MAP4K5: variants seen among roughly 807,000 people sequenced by gnomAD.
MAP4K5 encodes the protein MAPK/ERK kinase kinase kinase 5.
In MAP4K5, 82 loss-of-function variants were observed where a neutral mutation model predicts 135.6. That is an observed-to-expected ratio of 0.60 (90% CI 0.51 to 0.73). The LOEUF (loss-of-function observed/expected upper bound fraction) is 0.73. Ranked by LOEUF, MAP4K5 falls within the 30% of genes least tolerant of loss-of-function variation. The pLI, the probability that MAP4K5 is intolerant of heterozygous loss-of-function variation, is 0.00. For missense variants in MAP4K5, 907 were observed against 1,010.9 expected, an observed-to-expected ratio of 0.90 and a Z score of 1.39; for synonymous variants, 347 against 335.0, an observed-to-expected ratio of 1.04 and a Z score of -0.39.
chr14:50,510,176 G>C (rs1285930835), intron 2 of MAP4K5, among the ~76,000 whole-genome samples: 1 of 152,092 alleles, frequency 6.6e-6, no homozygotes, highest in East Asian at 1.9e-4. Context: ...ATTCTTCTCG[G>C]TTACCAATTA....
At chr14:50,439,562 C>T (rs1328302238) in intron 23 of MAP4K5, among the ~76,000 whole-genome samples, 1 of 152,164 alleles carries the variant, frequency 6.6e-6, no homozygotes, top group Non-Finnish European at 1.5e-5. Context: ...TTAACTCTCA[C>T]AACCTCATAA....
intron 28 of MAP4K5, among the ~76,000 whole-genome samples, chr14:50,431,516 TC>T (rs2035969819): frequency 6.6e-6 from 1 of 152,114 alleles, no homozygotes; most frequent in African/African-American, 2.4e-5. Context: ...GGTTTTTTGT[TC>T]TTGCGATAGT....
intron 9 of MAP4K5, among the ~76,000 whole-genome samples, chr14:50,473,219 T>C (rs1208657611): frequency 2.0e-5 from 3 of 152,176 alleles, no homozygotes; most frequent in African/African-American, 7.2e-5. Flanking sequence ...GAAAACTGAG[T>C]CTTTGTTAAT....
At chr14:50,484,667 T>C (rs1239811512) in intron 5 of MAP4K5, among the ~76,000 whole-genome samples, 2 of 152,214 alleles carry the variant, frequency 1.3e-5, no homozygotes, top group African/African-American at 4.8e-5. Context: ...TGCCGCACAG[T>C]ATTCCATATT....
In MAP4K5 at chr14:50,432,928, TC is replaced by T. The variant is rs372766952; in HGVS notation, c.2164+1465del. ...TCTTGGCTCACTGCAACCTCTGCCT[TC>T]CAGGTTCATGCGATTCTCCTGCCTC... On this transcript the variant is annotated intron_variant, in intron 28 of 32. Transcript: ENST00000682126. Among the ~76,000 whole-genome samples, 30 of 152,204 alleles carry T rather than the reference TC, an allele frequency of 2.0e-4. No individual in the cohort carries two copies. The East Asian group carries it at 5.6e-3, about 28-fold the overall frequency.
intron 2 of MAP4K5, among the ~76,000 whole-genome samples, chr14:50,515,952 C>T (rs568119973): frequency 5.3e-5 from 8 of 152,302 alleles, no homozygotes; most frequent in African/African-American, 1.9e-4. Flanking sequence ...TCGATTATCC[C>T]TCTCCCACAA....
At chr14:50,423,068 A>T in intron 32 of MAP4K5, 53 bp downstream of exon 32, 1 of 802,430 alleles carries the variant, frequency 1.2e-6, no homozygotes, top group South Asian at 1.7e-5. Flanking sequence ...TATAATTAAG[A>T]GTATGATCTT....
intron 1 of MAP4K5, among the ~76,000 whole-genome samples, chr14:50,550,028 A>G (rs1488647948): frequency 2.0e-5 from 3 of 152,224 alleles, no homozygotes; most frequent in African/African-American, 7.2e-5. Flanking sequence ...GGCGATGGCT[A>G]CATGGACCTT....
intron 12 of MAP4K5, among the ~76,000 whole-genome samples, chr14:50,463,540 A>T (rs2036758449): frequency 6.6e-6 from 1 of 152,152 alleles, no homozygotes; most frequent in Non-Finnish European, 1.5e-5. Flanking sequence ...GTTGTGGCAG[A>T]GGCTGTATGG....
chr14:50,449,396 G>A (rs896153455), intron 14 of MAP4K5: 4 of 151,916 alleles, frequency 2.6e-5, no homozygotes, highest in African/African-American at 9.7e-5. Context: ...CTAAAACATA[G>A]AAAAGGAGGG....
At position 50,425,934 on chromosome 14, in the gene MAP4K5, C is replaced by T; in HGVS notation, c.2370G>A (p.Met790Ile). The T allele has an allele frequency of 1.2e-6, 2 of 1,612,850 alleles. No homozygotes were observed. Among genetic ancestry groups the T allele is most frequent in the Non-Finnish European group, 1.7e-6 (2 of 1,179,274 alleles). ...CATCTGACTTGAAGCTTTTACCCTG[C>T]ATCCCATGTTTCCAGAAAGCCAACA... ...DSVLAFWKHG[M>I]QGKSFKSDEV... Residue 790 changes from methionine (M) to isoleucine (I), a missense_variant, in exon 31 of 33, where the codon ATG becomes ATA. Transcript: ENST00000682126.
chr14:50,518,264 ATTT>A (rs887784808), intron 2 of MAP4K5, among the ~76,000 whole-genome samples: 27 of 150,938 alleles, frequency 1.8e-4, no homozygotes, highest in African/African-American at 6.6e-4. Context: ...AAACTCATTA[ATTT>A]TTTTTTTATT....
rs1425751028 is a variant in MAP4K5 at position 50,447,484 on chromosome 14, G to A, written c.1075-3C>T. On this transcript the variant is annotated splice_region_variant and splice_polypyrimidine_tract_variant and intron_variant, in intron 15 of 32. Transcript: ENST00000682126. Reference sequence around the variant, plus strand: ...AAATTTGGGTCTGATGACAATCCCTGTAAAGATAAAAATATAGTTTAAAAT... The same window carrying A: ...AAATTTGGGTCTGATGACAATCCCTATAAAGATAAAAATATAGTTTAAAAT... 1 of 1,516,810 alleles carries A rather than the reference G, an allele frequency of 6.6e-7. No individual in the cohort carries two copies. Among genetic ancestry groups the A allele is most frequent in the Non-Finnish European group, 8.9e-7 (1 of 1,118,100 alleles). 94.0% of individuals were successfully genotyped at this position (1,516,810 alleles called of 1,614,324 possible).
chr14:50,460,678 A>G (rs1595465704), intron 13 of MAP4K5, among the ~76,000 whole-genome samples: 1 of 152,222 alleles, frequency 6.6e-6, no homozygotes, highest in Non-Finnish European at 1.5e-5. Context: ...CTAAATATTC[A>G]CTGGGTACTC....
upstream of MAP4K5, among the ~76,000 whole-genome samples, chr14:50,537,341 T>C (rs950003783): frequency 1.3e-5 from 2 of 152,212 alleles, no homozygotes; most frequent in Admixed American, 6.5e-5. Flanking sequence ...AGATGATGTA[T>C]GGAAATGCCT....
At chr14:50,539,901 A>G (rs1176753114) in intron 2 of MAP4K5, among the ~76,000 whole-genome samples, 1 of 152,104 alleles carries the variant, frequency 6.6e-6, no homozygotes, top group Non-Finnish European at 1.5e-5. Context: ...AAGAATCTCA[A>G]GGTTTAGGGA....
chr14:50,474,816 C>T (rs892546345), intron 9 of MAP4K5, among the ~76,000 whole-genome samples: 4 of 152,078 alleles, frequency 2.6e-5, no homozygotes, highest in African/African-American at 9.7e-5. Flanking sequence ...GGAGGCAAAT[C>T]TTTTGAAAAT....
chr14:50,490,130 AGTGTGTGTGTGT>A (rs34549753), intron 3 of MAP4K5, among the ~76,000 whole-genome samples: 1 of 121,206 alleles, frequency 8.3e-6, no homozygotes. Context: ...AGCGAGTGAG[AGTGTGTGTGTGT>A]GTGTGTGTGT....
At chr14:50,501,952 T>A (rs941434131) in intron 3 of MAP4K5, among the ~76,000 whole-genome samples, 5 of 152,306 alleles carry the variant, frequency 3.3e-5, no homozygotes, top group Non-Finnish European at 5.9e-5. Context: ...ATATTAGGTA[T>A]TCAATAAATA....
Sources: allele counts gnomAD v4.1 joint callset (sites outside exome capture counted in the v4.1 genomes callset), GRCh38; gene constraint gnomAD v4.1.1; transcripts MANE v1.5; gene names NCBI Gene and HGNC (gene_info 2026-07-23, HGNC 2026-07-21).